Variants in AGXT2 observed in about 807,000 individuals in gnomAD.
AGXT2 encodes the protein alanine--glyoxylate aminotransferase 2, also known as alanine--glyoxylate aminotransferase 2, mitochondrial.
In AGXT2, 61 loss-of-function variants were observed where a neutral mutation model predicts 62.5. That is an observed-to-expected ratio of 0.98 (90% CI 0.79 to 1.21). The LOEUF is 1.21. AGXT2 is among the 50% of genes most tolerant of loss of function. The pLI, the probability that AGXT2 is intolerant of heterozygous loss-of-function variation, is 0.00. For missense variants in AGXT2, 666 were observed against 641.5 expected (o/e 1.04, Z -0.41); for synonymous variants, 243 against 218.7 (o/e 1.11, Z -0.98).
At chr5:35,023,093 T>C (rs1767175406) in intron 9 of AGXT2, among the ~76,000 whole-genome samples, 1 of 148,592 alleles carries the variant, frequency 6.7e-6, no homozygotes, top group Non-Finnish European at 1.5e-5. Context: ...TTTATTCATT[T>C]GTTTGTATAG....
intron 13 of AGXT2, among the ~76,000 whole-genome samples, chr5:34,999,482 C>A (rs1051680837): frequency 6.6e-6 from 1 of 152,022 alleles, no homozygotes; most frequent in Non-Finnish European, 1.5e-5. Context: ...ACAGCCAATC[C>A]CAGCGCTAAT....
intron 4 of AGXT2, 80 bp downstream of exon 4, chr5:35,036,861 AC>A: frequency 6.3e-7 from 1 of 1,599,064 alleles, no homozygotes; most frequent in Non-Finnish European, 8.5e-7. Context: ...GAATCATAAG[AC>A]TCCTGTCTCT....
At position 35,032,712 on chromosome 5, in the gene AGXT2, C is replaced by G. The variant is rs752133202; in HGVS notation, c.769+20G>C. The stretch of plus-strand genomic sequence containing the variant: ...TCCAACTTCCAACACTCCACTGGCA[C>G]CCCCCTTGCCCAGTCGGACCTGGTG... On this transcript the variant is annotated intron_variant, in intron 7 of 13. Transcript: ENST00000231420. 6.3e-7 allele frequency: 1 copy of G among 1,584,878 alleles called. No homozygotes were observed. The highest frequency in any genetic ancestry group is 1.1e-5 in the South Asian group (1 of 87,686).
Position 35,032,449 on chromosome 5 carries a change from C to A in AGXT2, c.769+283G>T, listed in dbSNP as rs866208139. 7.2e-5 allele frequency among the ~76,000 whole-genome samples: 11 copies of A among 152,154 alleles called. No homozygotes were observed. The Middle Eastern group carries it at 9.5e-3, about 131-fold the overall frequency. ...CTATTATAATAGAGCTAATAGAATG[C>A]CTTGAATCAAGTACCAGCTGATAGT... On this transcript the variant is annotated intron_variant, in intron 7 of 13. Transcript: ENST00000231420.
At chr5:35,026,764 T>A (rs1767370043) in intron 7 of AGXT2, 1 of 902,950 alleles carries the variant, frequency 1.1e-6, no homozygotes, top group African/African-American at 1.8e-5. Flanking sequence ...ACCACTTCAG[T>A]TCTTTCCATC....
chr5:35,036,273 T>C (rs1767767112), intron 4 of AGXT2, among the ~76,000 whole-genome samples: 1 of 152,174 alleles, frequency 6.6e-6, no homozygotes, highest in South Asian at 2.1e-4. Flanking sequence ...TGTTTCTTTA[T>C]CTATTCTAGG....
At chr5:35,014,149 AC>A (rs767532001) in intron 9 of AGXT2, 30 bp from the exon 10 acceptor site, 5 of 1,613,570 alleles carry the variant, frequency 3.1e-6, no homozygotes, top group Non-Finnish European at 4.2e-6. Context: ...ACCATTGGAA[AC>A]CCTTCAAGAA....
In AGXT2 at chr5:35,025,756, C is replaced by T. The variant is rs1561224760; in HGVS notation, c.963+7G>A. On this transcript the variant is annotated splice_region_variant and intron_variant, in intron 9 of 13. Transcript: ENST00000231420. ...TGCACTCAATGGCACCCTTACATGC[C>T]ACTTACTTCATCTGCAATGCACACG... is the stretch of plus-strand genomic sequence containing the variant. The T allele has an allele frequency of 1.2e-6, 2 of 1,613,882 alleles. No individual in the cohort carries two copies. Among genetic ancestry groups the T allele is most frequent in the African/African-American group, 2.7e-5 (2 of 74,920 alleles).
Position 35,035,248 on chromosome 5 carries a change from T to A in AGXT2, c.555A>T (p.Ser185=). 1.9e-6 allele frequency: 3 copies of A among 1,614,160 alleles called. No homozygotes were observed. The highest frequency in any genetic ancestry group is 2.5e-6 in the Non-Finnish European group (3 of 1,180,008). ...ELAMLMARAH[S]NNIDIISFRG... Reference sequence around the variant, plus strand: ...TGAAAGAAATGATGTCTATGTTGTTTGAGTGCGCCCTGGCCATCAGCATGG... The same window carrying A: ...TGAAAGAAATGATGTCTATGTTGTTAGAGTGCGCCCTGGCCATCAGCATGG... The change falls in exon 5 of 14, where the codon TCA becomes TCT. Residue 185 remains serine, a synonymous_variant. Coordinates refer to ENST00000231420, the MANE Select transcript of AGXT2 (RefSeq NM_031900.4).
chr5:35,028,441 G>T (rs1767439200), intron 7 of AGXT2, among the ~76,000 whole-genome samples: 1 of 152,038 alleles, frequency 6.6e-6, no homozygotes, highest in Non-Finnish European at 1.5e-5. Flanking sequence ...GAAATCCTGT[G>T]GATGGGAGAG....
intron 9 of AGXT2, among the ~76,000 whole-genome samples, chr5:35,015,451 C>G (rs894397665): frequency 2.6e-5 from 4 of 152,198 alleles, no homozygotes; most frequent in African/African-American, 9.6e-5. Flanking sequence ...CTCAGTCTCC[C>G]TGCCTGTCTC....
intron 9 of AGXT2, among the ~76,000 whole-genome samples, chr5:35,024,662 A>G (rs1378484201): frequency 6.6e-6 from 1 of 152,148 alleles, no homozygotes; most frequent in Non-Finnish European, 1.5e-5. Context: ...CTGGATTATT[A>G]TTATTATTTT....
Position 35,039,397 on chromosome 5 carries a change from A to G in AGXT2, c.289T>C (p.Phe97Leu). The change falls in exon 3 of 14, where the codon TTT becomes CTT. Residue 97 changes from phenylalanine to leucine, a missense_variant. Coordinates refer to ENST00000231420, the MANE Select transcript of AGXT2 (RefSeq NM_031900.4). ...LLHQGHMEWL[F>L]DAEGSRYLDF... ...AGGTATCTGCTTCCTTCAGCATCAA[A>G]GAGCCACTCCATGTGCCCCTGGTGG... 1 of 1,614,178 alleles carries G rather than the reference A, an allele frequency of 6.2e-7. No homozygotes were observed.
chr5:35,003,545 C>T (rs1016436349), intron 13 of AGXT2, among the ~76,000 whole-genome samples: 24 of 152,014 alleles, frequency 1.6e-4, no homozygotes, highest in African/African-American at 4.6e-4. Context: ...CACTCAGCGC[C>T]CCCTAGTGGC....
rs61742512 is a variant in AGXT2, at chr5:35,037,030, C to A, written c.398G>T (p.Arg133Leu). ...GAAGACGGTGCTTGTATGCCACAGG[C>A]GGCCGAGCTGCTTTTGTGCCACTGC... ...VNAVAQKQLG[R>L]LWHTSTVFFH... Residue 133 changes from arginine to leucine, a missense_variant, in exon 4 of 14, where the codon CGC (arginine) becomes CTC (leucine). Transcript: ENST00000231420. The A allele has an allele frequency of 6.2e-7, 1 of 1,614,162 alleles. No homozygotes were observed. Among genetic ancestry groups the A allele is most frequent in the Non-Finnish European group, 8.5e-7 (1 of 1,180,016 alleles).
intron 12 of AGXT2, among the ~76,000 whole-genome samples, chr5:35,007,471 G>A (rs1766470803): frequency 6.6e-6 from 1 of 152,198 alleles, no homozygotes; most frequent in African/African-American, 2.4e-5. Context: ...TTAAGGAGAT[G>A]CGATGGAGAG....
chr5:35,022,019 A>G (rs1186053403), intron 9 of AGXT2, among the ~76,000 whole-genome samples: 1 of 151,916 alleles, frequency 6.6e-6, no homozygotes, highest in Non-Finnish European at 1.5e-5. Context: ...CAAAACCACA[A>G]TGAGATACCA....
rs1335353361 is a variant in AGXT2, at chr5:35,036,933, G to A, written c.486+9C>T. The A allele has an allele frequency of 4.3e-6, 7 of 1,613,710 alleles. No homozygotes were observed. The African/African-American group carries it at 9.4e-5, about 22-fold the overall frequency. The stretch of plus-strand genomic sequence containing the variant: ...ATAACATTCACCTCCTGCAGGAAGA[G>A]CATTGTACCTTAAGAGGCTCAGGAA... On this transcript the variant is annotated intron_variant, in intron 4 of 13. Transcript: ENST00000231420.
chr5:35,042,124 A>G (rs1339789709), intron 1 of AGXT2, among the ~76,000 whole-genome samples: 2 of 152,192 alleles, frequency 1.3e-5, no homozygotes, highest in Non-Finnish European at 2.9e-5. Flanking sequence ...TTGCCCATTG[A>G]GGAGGTTGTA....
Sources: gnomAD v4.1 joint callset for allele counts (sites outside exome capture counted in the v4.1 genomes callset) on GRCh38, gnomAD v4.1.1 for gene constraint, MANE v1.5 for transcripts, NCBI Gene and HGNC (gene_info 2026-07-23, HGNC 2026-07-21) for gene names.